TCP11L2: variants seen among roughly 807,000 people sequenced by gnomAD.
TCP11L2 encodes t-complex 11 like 2.
In TCP11L2, 39 loss-of-function variants were observed where a neutral mutation model predicts 50.7. That is an observed-to-expected ratio of 0.77 (90% CI 0.60 to 1.01). TCP11L2 has a LOEUF of 1.01. Among genes scored for constraint, TCP11L2 ranks in the 50% least tolerant of loss-of-function variants. The pLI is 0.00. For missense variants in TCP11L2, 612 were observed against 614.7 expected, an observed-to-expected ratio of 1.00 and a Z score of 0.05; for synonymous variants, 192 against 219.3, an observed-to-expected ratio of 0.88 and a Z score of 1.10.
chr12:106,328,035 C>T (rs553668820), intron 6 of TCP11L2, among the ~76,000 whole-genome samples: 69 of 152,236 alleles, frequency 4.5e-4, no homozygotes, highest in African/African-American at 1.4e-3. Context: ...TTAGACAATA[C>T]GTCATATCTG....
rs1161824697 is a variant in TCP11L2 at position 106,311,242 on chromosome 12, T to C, written c.157+10T>C. The C allele has an allele frequency of 5.6e-6, 9 of 1,613,024 alleles. No individual in the cohort carries two copies. Among genetic ancestry groups the C allele is most frequent in the South Asian group, 1.1e-5 (1 of 91,034 alleles). On this transcript the variant is annotated intron_variant, in intron 2 of 9. Coordinates refer to ENST00000299045, the MANE Select transcript of TCP11L2 (RefSeq NM_152772.3). ...TCCAGCTCTCCTGCTTGTGAGCCGATGGGGGAGCAGGGGTTGTGGGTGGCA... is the reference window on the plus strand; with the variant it reads ...TCCAGCTCTCCTGCTTGTGAGCCGACGGGGGAGCAGGGGTTGTGGGTGGCA...
upstream of TCP11L2, among the ~76,000 whole-genome samples, chr12:106,302,538 G>T (rs1166641602): frequency 6.6e-6 from 1 of 151,272 alleles, no homozygotes; most frequent in African/African-American, 2.4e-5. Context: ...AGCCCGGACC[G>T]CACCACTCGC....
Position 106,335,788 on chromosome 12 carries a change from C to A in TCP11L2, c.922C>A (p.Leu308Met). The change falls in exon 7 of 10, where the codon CTG becomes ATG. Residue 308 changes from leucine (L) to methionine (M), a missense_variant. Leu to Met is a conservative substitution (Grantham distance 15). Transcript: ENST00000299045. The stretch of plus-strand genomic sequence containing the variant: ...GGTGCTAAATAATAGTTACTTGAAA[C>A]TGTTACAGTGGGATTATCAGAAAAA... ...TLVLNNSYLK[L>M]LQWDYQKKEL... 6.2e-7 allele frequency: 1 copy of A among 1,614,172 alleles called. No homozygotes were observed. Among genetic ancestry groups the A allele is most frequent in the Non-Finnish European group, 8.5e-7 (1 of 1,180,018 alleles).
Position 106,311,026 on chromosome 12 carries a change from T to A in TCP11L2, c.-35-15T>A, listed in dbSNP as rs770581223. Reference sequence around the variant, plus strand: ...TACCACAGAACATTGACGCAGGGTCTGTTTGTCTGTGCAGGTGCTACCTTT... The same window carrying A: ...TACCACAGAACATTGACGCAGGGTCAGTTTGTCTGTGCAGGTGCTACCTTT... On this transcript the variant is annotated splice_polypyrimidine_tract_variant and intron_variant, in intron 1 of 9. Coordinates refer to ENST00000299045, the MANE Select transcript of TCP11L2 (RefSeq NM_152772.3). 12 of 1,595,334 alleles carry A rather than the reference T, an allele frequency of 7.5e-6. No individual in the cohort carries two copies. In the African/African-American group the frequency reaches 1.6e-4, roughly 21 times the overall value.
chr12:106,329,774 AC>A, intron 6 of TCP11L2: 2 of 996,312 alleles, frequency 2.0e-6, no homozygotes, highest in Non-Finnish European at 2.4e-6. Flanking sequence ...AATTATATTC[AC>A]GATGATTTCC....
At chr12:106,311,694 C>T (rs1216593467) in intron 2 of TCP11L2, among the ~76,000 whole-genome samples, 2 of 152,120 alleles carry the variant, frequency 1.3e-5, no homozygotes, top group Non-Finnish European at 2.9e-5. Flanking sequence ...CAAATCACCC[C>T]AGGAAGGTAC....
chr12:106,314,568 TGTGTGTGTGAGAGAGA>T (rs1371034255), intron 3 of TCP11L2, 75 bp downstream of exon 3: 73 of 1,004,896 alleles, frequency 7.3e-5, no homozygotes, highest in African/African-American at 1.7e-4. Context: ...TGTGTGTGTG[TGTGTGTGTGAGAGAGA>T]GAGAGAGAGA....
intron 9 of TCP11L2, among the ~76,000 whole-genome samples, chr12:106,344,849 T>A (rs1171211340): frequency 1.3e-5 from 2 of 152,204 alleles, no homozygotes; most frequent in Admixed American, 6.5e-5. Flanking sequence ...TGCATTTCTA[T>A]GCTTTTGTGT....
rs750597940 is a variant in TCP11L2 at position 106,335,806 on chromosome 12, C to G, written c.940C>G (p.Gln314Glu). The G allele has an allele frequency of 1.1e-5, 17 of 1,611,882 alleles. 1 individual carries two copies. In the African/African-American group the frequency reaches 1.9e-4, roughly 18 times the overall value. Residue 314 changes from glutamine to glutamate, a missense_variant, in exon 7 of 10, where the codon CAG becomes GAG. Transcript: ENST00000299045. ...CTTGAAACTGTTACAGTGGGATTAT[C>G]AGAAAAAAGAATTACCAGAGGTGAG... ...SYLKLLQWDY[Q>E]KKELPETLMT...
intron 4 of TCP11L2, among the ~76,000 whole-genome samples, chr12:106,319,094 GTA>G (rs1380512504): frequency 1.3e-5 from 2 of 152,008 alleles, no homozygotes; most frequent in Non-Finnish European, 2.9e-5. Flanking sequence ...TGTATTTTTA[GTA>G]GAGACGGGGT....
chr12:106,330,193 G>A (rs1449675796), intron 6 of TCP11L2: 2 of 985,294 alleles, frequency 2.0e-6, no homozygotes, highest in Non-Finnish European at 2.4e-6. Context: ...GAGAATTACT[G>A]CCTCCAAACT....
chr12:106,332,028 T>A (rs370340428), intron 6 of TCP11L2, among the ~76,000 whole-genome samples: 30 of 152,344 alleles, frequency 2.0e-4, no homozygotes, highest in Middle Eastern at 3.4e-3. Context: ...GTAAAAGACT[T>A]GCCTGCCTAA....
Position 106,308,635 on chromosome 12 carries a change from A to G in TCP11L2, c.-35-2406A>G, listed in dbSNP as rs968887526. ...TACATTACAGGGGAATAACTGGGGGAAAAATGACTTAAAGTGGAAACAAAC... is the reference window on the plus strand; with the variant it reads ...TACATTACAGGGGAATAACTGGGGGGAAAATGACTTAAAGTGGAAACAAAC... On this transcript the variant is annotated intron_variant, in intron 1 of 9. Coordinates refer to ENST00000299045, the MANE Select transcript of TCP11L2 (RefSeq NM_152772.3). Among the ~76,000 whole-genome samples the G allele has an allele frequency of 3.9e-5, 6 of 152,326 alleles. No homozygotes were observed. The South Asian group carries it at 8.3e-4, about 21-fold the overall frequency.
intron 1 of TCP11L2, chr12:106,303,221 G>T (rs910039222): frequency 3.9e-5 from 6 of 152,282 alleles, no homozygotes; most frequent in Non-Finnish European, 5.9e-5. Flanking sequence ...GGCCTCGGAG[G>T]CCGCTTCGCC....
chr12:106,327,465 C>A (rs1196656048), intron 6 of TCP11L2, among the ~76,000 whole-genome samples: 1 of 152,198 alleles, frequency 6.6e-6, no homozygotes, highest in African/African-American at 2.4e-5. Context: ...CAGGCATGAG[C>A]CACTGCACCT....
intron 3 of TCP11L2, among the ~76,000 whole-genome samples, chr12:106,315,451 C>G (rs2035041000): frequency 6.6e-6 from 1 of 152,164 alleles, no homozygotes; most frequent in East Asian, 1.9e-4. Context: ...TGATGTCCAT[C>G]TTCCCCACTT....
intron 3 of TCP11L2, 77 bp downstream of exon 3, chr12:106,314,570 TGTGTGTGAGAGAGA>T (rs1444965709): frequency 9.8e-4 from 952 of 973,884 alleles, no homozygotes; most frequent in Middle Eastern, 2.3e-3. Flanking sequence ...TGTGTGTGTG[TGTGTGTGAGAGAGA>T]GAGAGAGAGA....
At chr12:106,329,663 C>G in intron 6 of TCP11L2, 1 of 1,218,350 alleles carries the variant, frequency 8.2e-7, no homozygotes, top group East Asian at 3.7e-5. Context: ...AACCACTATG[C>G]CACACTGTTG....
chr12:106,302,301 GC>G (rs1466057311), upstream of TCP11L2, among the ~76,000 whole-genome samples: 1 of 114,116 alleles, frequency 8.8e-6, no homozygotes, highest in Non-Finnish European at 1.9e-5. Context: ...CCTCCCCAGA[GC>G]CCCGCTCAGC....
Sources: allele counts gnomAD v4.1 joint callset (sites outside exome capture counted in the v4.1 genomes callset), GRCh38; gene constraint gnomAD v4.1.1; transcripts MANE v1.5; gene names NCBI Gene and HGNC (gene_info 2026-07-23, HGNC 2026-07-21).